Variants in TENM2 observed in about 807,000 individuals in gnomAD.
The protein encoded by TENM2 is teneurin transmembrane protein 2.
TENM2 carries 52 observed loss-of-function variants against 245.2 expected under a neutral mutation model. The ratio of observed to expected loss-of-function variants is 0.21; its 90% CI spans 0.17 to 0.27. The LOEUF is 0.27. Among genes scored for constraint, TENM2 ranks in the 10% least tolerant of loss-of-function variants. TENM2 has a pLI of 1.00. For missense variants in TENM2, 3,046 were observed against 3,666.8 expected (o/e 0.83, Z 4.37); for synonymous variants, 1,363 against 1,438.9 (o/e 0.95, Z 1.19).
intron 2 of TENM2, among the ~76,000 whole-genome samples, chr5:167,492,273 T>C (rs1768478875): frequency 6.6e-6 from 1 of 152,100 alleles, no homozygotes; most frequent in Non-Finnish European, 1.5e-5. Context: ...GATATTATCA[T>C]TCTCATCATT....
the TENM2 span, among the ~76,000 whole-genome samples, chr5:167,083,838 C>G: frequency 6.6e-6 from 1 of 152,156 alleles, no homozygotes; most frequent in Admixed American, 6.5e-5. Flanking sequence ...CATAGTGACA[C>G]TGCTATTTTA....
chr5:168,047,865 C>T (rs958896499), intron 6 of TENM2, among the ~76,000 whole-genome samples: 1 of 152,100 alleles, frequency 6.6e-6, no homozygotes, highest in Non-Finnish European at 1.5e-5. Flanking sequence ...GAAACAGCAG[C>T]CACAGCAGCA....
At position 168,219,016 on chromosome 5, in the gene TENM2, A is replaced by G. The variant is rs1035803598; in HGVS notation, c.5108+17A>G. ...TTTCTATGAGTAAGTGGGTTTGTAA[A>G]GCATCTCTGAAGAGCCCTTCCCTTG... On this transcript the variant is annotated intron_variant, in intron 23 of 28. Transcript: ENST00000518659. 7 of 1,605,152 alleles carry G rather than the reference A, an allele frequency of 4.4e-6. No individual in the cohort carries two copies. The African/African-American group carries it at 8.0e-5, about 18-fold the overall frequency.
chr5:167,826,030 T>C (rs1767947418), intron 2 of TENM2, among the ~76,000 whole-genome samples: 1 of 152,032 alleles, frequency 6.6e-6, no homozygotes, highest in African/African-American at 2.4e-5. Flanking sequence ...TACCTGTACC[T>C]TTCTCTCCAC....
At chr5:168,136,672 C>T (rs1186937660) in intron 12 of TENM2, among the ~76,000 whole-genome samples, 2 of 152,162 alleles carry the variant, frequency 1.3e-5, no homozygotes, top group Admixed American at 6.5e-5. Context: ...GCTGAGCTGT[C>T]GAACAGACAC....
At chr5:167,611,917 G>T (rs1777500868) in intron 2 of TENM2, among the ~76,000 whole-genome samples, 2 of 151,910 alleles carry the variant, frequency 1.3e-5, no homozygotes, top group Non-Finnish European at 2.9e-5. Context: ...ATGAATTTTG[G>T]CGAGACACAT....
chr5:167,356,162 T>C (rs1370341394), intron 1 of TENM2, among the ~76,000 whole-genome samples: 1 of 112,268 alleles, frequency 8.9e-6, no homozygotes, highest in African/African-American at 3.6e-5. Flanking sequence ...CACTCCAGCC[T>C]GGGTGGCTGA....
At chr5:167,241,709 T>A in the TENM2 span, among the ~76,000 whole-genome samples, 1 of 152,138 alleles carries the variant, frequency 6.6e-6, no homozygotes, top group African/African-American at 2.4e-5. Flanking sequence ...ATGGGTATCT[T>A]TTGAGGCCTG....
At chr5:167,633,225 G>A (rs1176095961) in intron 2 of TENM2, among the ~76,000 whole-genome samples, 2 of 152,148 alleles carry the variant, frequency 1.3e-5, no homozygotes, top group African/African-American at 4.8e-5. Flanking sequence ...AACCTGAGGA[G>A]GTTCGCTAAG....
chr5:168,155,859 C>A (rs960877804), intron 12 of TENM2, among the ~76,000 whole-genome samples: 1 of 129,380 alleles, frequency 7.7e-6, no homozygotes, highest in Non-Finnish European at 1.5e-5. Context: ...AAATATTTAG[C>A]TTTATCATTC....
chr5:168,162,650 C>T lies in TENM2; in HGVS notation c.2462C>T (p.Thr821Ile), dbSNP rs775996083. 3 of 1,614,014 alleles carry T rather than the reference C, an allele frequency of 1.9e-6. No homozygotes were observed. The South Asian group carries it at 3.3e-5, about 18-fold the overall frequency. ...TTGTGCAACGGTAACGGGAGATGCA[C>T]ACTGGGTCAGAACAGCTGGCAGTGT... Residue 821 changes from threonine (T) to isoleucine (I), a missense_variant, in exon 13 of 29, where the codon ACA becomes ATA. Physicochemically the swap from Thr to Ile is moderately conservative, Grantham distance 89. This residue lies in a region of TENM2 where 2,704 missense variants were observed against 3,331.9 expected (regional missense o/e 0.81). Transcript: ENST00000518659.
the TENM2 span, among the ~76,000 whole-genome samples, chr5:167,256,041 C>T: frequency 6.6e-5 from 10 of 152,096 alleles, no homozygotes; most frequent in African/African-American, 1.7e-4. Flanking sequence ...TTTTGTTAAA[C>T]GCTCTTTATT....
Position 168,142,364 on chromosome 5 carries a change from C to T in TENM2, c.2422+15398C>T, listed in dbSNP as rs367962096. On this transcript the variant is annotated intron_variant, in intron 12 of 28. Transcript: ENST00000518659. ...TGCTCCTGGAATGGCTTTACCTTGA[C>T]ATTTAAATTTCGGCTTCCATCACCA... 1.6e-4 allele frequency among the ~76,000 whole-genome samples: 24 copies of T among 152,348 alleles called. No individual in the cohort carries two copies. In the South Asian group the frequency reaches 5.0e-3, roughly 32 times the overall value.
At chr5:167,969,926 G>A (rs1781650438) in intron 4 of TENM2, among the ~76,000 whole-genome samples, 1 of 152,210 alleles carries the variant, frequency 6.6e-6, no homozygotes, top group Non-Finnish European at 1.5e-5. Context: ...CCTCATAGTG[G>A]AGAGGAAGGA....
At chr5:167,515,801 G>A (rs1207735963) in intron 2 of TENM2, among the ~76,000 whole-genome samples, 2 of 151,222 alleles carry the variant, frequency 1.3e-5, no homozygotes, top group Non-Finnish European at 2.9e-5. Context: ...GAGTAGCTGG[G>A]ACTACAGGCA....
intron 2 of TENM2, among the ~76,000 whole-genome samples, chr5:167,865,158 A>G (rs1772197671): frequency 6.6e-6 from 1 of 152,218 alleles, no homozygotes; most frequent in East Asian, 1.9e-4. Flanking sequence ...CATTGCCCAC[A>G]TAGTTTAACG....
chr5:167,356,983 T>G (rs1214019047), intron 1 of TENM2, among the ~76,000 whole-genome samples: 1 of 152,228 alleles, frequency 6.6e-6, no homozygotes, highest in African/African-American at 2.4e-5. Context: ...CGTGGGTGCC[T>G]GAAAGTATTG....
intron 2 of TENM2, among the ~76,000 whole-genome samples, chr5:167,724,292 T>TG: frequency 6.6e-6 from 1 of 152,222 alleles, no homozygotes; most frequent in South Asian, 2.1e-4. Flanking sequence ...TTACTAGTTT[T>TG]TTTTTTTTTT....
intron 2 of TENM2, among the ~76,000 whole-genome samples, chr5:167,493,247 C>G (rs1201690992): frequency 6.6e-6 from 1 of 151,882 alleles, no homozygotes; most frequent in Non-Finnish European, 1.5e-5. Context: ...CACTGTACTC[C>G]AGCCTGGGTG....
Sources: gnomAD v4.1 joint callset for allele counts (sites outside exome capture counted in the v4.1 genomes callset) on GRCh38, gnomAD v4.1.1 for gene constraint, gnomAD v4.1.1 regional missense constraint, MANE v1.5 for transcripts, NCBI Gene and HGNC (gene_info 2026-07-23, HGNC 2026-07-21) for gene names.